The following ZNF787 variants were observed in gnomAD, a reference collection of about 807,000 sequenced individuals.
ZNF787 encodes the protein zinc finger protein 787.
ZNF787 carries 7 observed loss-of-function variants against 16.9 expected under a neutral mutation model. That is an observed-to-expected ratio of 0.42 (90% confidence interval 0.24 to 0.78). The LOEUF is 0.78. ZNF787 is among the 30% of genes least tolerant of loss of function. The pLI is 0.30. For missense variants in ZNF787, 551 were observed against 589.3 expected, an observed-to-expected ratio of 0.94 and a Z score of 0.67; for synonymous variants, 345 against 270.9, an observed-to-expected ratio of 1.27 and a Z score of -2.69.
chr19:56,094,484 TTC>T (rs1555775823), intron 2 of ZNF787, among the ~76,000 whole-genome samples: 41 of 151,978 alleles, frequency 2.7e-4, no homozygotes, highest in Non-Finnish European at 7.4e-5. Flanking sequence ...TTTTTTTTTT[TTC>T]TCATTTTAAA....
chr19:56,105,112 T>G (rs976537369), intron 1 of ZNF787, among the ~76,000 whole-genome samples: 1 of 151,950 alleles, frequency 6.6e-6, no homozygotes, highest in Non-Finnish European at 1.5e-5. Flanking sequence ...AGAGCAAGAC[T>G]CTGTCTCAAA....
intron 1 of ZNF787, among the ~76,000 whole-genome samples, chr19:56,108,141 GGA>G (rs1314462573): frequency 6.6e-6 from 1 of 151,980 alleles, no homozygotes; most frequent in Non-Finnish European, 1.5e-5. Context: ...GAGACTCCCA[GGA>G]GACTCTCTCA....
At chr19:56,120,561 C>A (rs554538017) in intron 1 of ZNF787, among the ~76,000 whole-genome samples, 2 of 152,208 alleles carry the variant, frequency 1.3e-5, no homozygotes, top group African/African-American at 4.8e-5. Flanking sequence ...CCGTAATTAC[C>A]CGCCTGATCA....
chr19:56,095,491 G>A (rs1985836918), intron 2 of ZNF787, among the ~76,000 whole-genome samples: 1 of 152,186 alleles, frequency 6.6e-6, no homozygotes, highest in African/African-American at 2.4e-5. Context: ...GAGGCGGCTT[G>A]GTTCAGGGTA....
chr19:56,111,096 C>T (rs1387732172), intron 1 of ZNF787, among the ~76,000 whole-genome samples: 1 of 152,214 alleles, frequency 6.6e-6, no homozygotes, highest in Non-Finnish European at 1.5e-5. Flanking sequence ...CCCTCTTGTT[C>T]CTAAAGCCTA....
In ZNF787 at chr19:56,088,767, G is replaced by A. The variant is rs1391125145; in HGVS notation, c.405C>T (p.Ser135=). 4 of 1,610,960 alleles carry A rather than the reference G, an allele frequency of 2.5e-6. No individual in the cohort carries two copies. Among genetic ancestry groups the A allele is most frequent in the Non-Finnish European group, 3.4e-6 (4 of 1,179,020 alleles). Residue 135 remains serine, a synonymous_variant, in exon 3 of 3, where the codon TCC becomes TCT. Coordinates refer to ENST00000610935, the MANE Select transcript of ZNF787 (RefSeq NM_001002836.4). The surrounding 1 kb of genome is among the most constrained non-coding windows in gnomAD (Gnocchi z 8.6). ...GGATGCGCTGGTGCTGCATGAGGTT[G>A]GAGCTCCAGCTGAAGCGCTTGCCGC... ...LECGKRFSWS[S]NLMQHQRIHT...
chr19:56,089,049 A>G lies in ZNF787; in HGVS notation c.123T>C (p.Pro41=). 6.8e-7 allele frequency: 1 copy of G among 1,466,586 alleles called. No homozygotes were observed. 90.8% of individuals were successfully genotyped at this position (1,466,586 alleles called of 1,614,324 possible). A position where few individuals can be genotyped will look rare whatever the true frequency, so the allele number is the denominator to read the frequency against. ...ACTGGGGCGGGGACAGCTTGGTGGGAGGCCAGCTGGGGACGTCGTCATCAT... is the reference window on the plus strand; with the variant it reads ...ACTGGGGCGGGGACAGCTTGGTGGGGGGCCAGCTGGGGACGTCGTCATCAT... ...IMDDDDVPSW[P]PTKLSPPQSA... The change falls in exon 3 of 3, where the codon CCT becomes CCC. Residue 41 remains proline, a synonymous_variant. Transcript: ENST00000610935.
chr19:56,101,008 G>A (rs113234468), intron 2 of ZNF787, among the ~76,000 whole-genome samples: 2 of 119,760 alleles, frequency 1.7e-5, no homozygotes, highest in Non-Finnish European at 1.7e-5. Flanking sequence ...GCCAACCCCC[G>A]CCACTCCACC....
At chr19:56,096,430 A>G (rs1985877123) in intron 2 of ZNF787, among the ~76,000 whole-genome samples, 1 of 151,508 alleles carries the variant, frequency 6.6e-6, no homozygotes, top group Non-Finnish European at 1.5e-5. Context: ...AAAAAATAAA[A>G]AGAGATAGGC....
chr19:56,119,021 G>A (rs542345488), intron 1 of ZNF787, among the ~76,000 whole-genome samples: 5 of 152,126 alleles, frequency 3.3e-5, no homozygotes, highest in South Asian at 4.2e-4. Context: ...CAGAGCTCCC[G>A]GGAGCACTCT....
chr19:56,088,248 C>G lies in ZNF787; in HGVS notation c.924G>C (p.Gly308=). The G allele has an allele frequency of 6.8e-7, 1 of 1,469,788 alleles. No homozygotes were observed. The allele number at this position is 1,469,788 out of a possible 1,614,324, so 91.0% of individuals were successfully genotyped here. A position where few individuals can be genotyped will look rare whatever the true frequency, so the allele number is the denominator to read the frequency against. The change falls in exon 3 of 3, where the codon GGG becomes GGC. Residue 308 remains glycine (G), a synonymous_variant. Transcript: ENST00000610935. The surrounding 1 kb of genome is among the most constrained non-coding windows in gnomAD (Gnocchi z 8.6). ...GGGCCGGCTCCTCGCCCCCCGCCGC[C>G]CCGAGCCCGTCCCCGTGCTGGGCCC... is the stretch of plus-strand genomic sequence containing the variant. ...HQRAQHGDGL[G]AAGGEEPAHI...
At chr19:56,112,746 C>G (rs963979757) in intron 1 of ZNF787, among the ~76,000 whole-genome samples, 1 of 152,046 alleles carries the variant, frequency 6.6e-6, no homozygotes, top group African/African-American at 2.4e-5. Flanking sequence ...CTAACACCCT[C>G]TCTGACTTTT....
rs370549854 is a variant in ZNF787, at chr19:56,107,604, G to A, written c.-10-4377C>T. Among the ~76,000 whole-genome samples, 9 of 151,672 alleles carry A rather than the reference G, an allele frequency of 5.9e-5. No individual in the cohort carries two copies. In the South Asian group the frequency reaches 1.9e-3, roughly 32 times the overall value. On this transcript the variant is annotated intron_variant, in intron 1 of 2. Coordinates refer to ENST00000610935, the MANE Select transcript of ZNF787 (RefSeq NM_001002836.4). Reference sequence around the variant, plus strand: ...CAGGAGAAAGAGGGTCACCAGGAGGGCCGAGGTCCTGCCCCCAAGGCTCAC... The same window carrying A: ...CAGGAGAAAGAGGGTCACCAGGAGGACCGAGGTCCTGCCCCCAAGGCTCAC...
intron 1 of ZNF787, among the ~76,000 whole-genome samples, chr19:56,116,302 C>CGGGCTA (rs2030136504): frequency 1.3e-5 from 2 of 151,988 alleles, no homozygotes; most frequent in Non-Finnish European, 2.9e-5. Context: ...ATTAGCCAGG[C>CGGGCTA]ATGGTGGCGG....
chr19:56,110,812 C>A (rs1276307759), intron 1 of ZNF787, among the ~76,000 whole-genome samples: 1 of 152,218 alleles, frequency 6.6e-6, no homozygotes, highest in Non-Finnish European at 1.5e-5. Flanking sequence ...CTCCTCTCCA[C>A]CGCACAGCAG....
intron 2 of ZNF787, among the ~76,000 whole-genome samples, chr19:56,100,349 C>G (rs1986043695): frequency 6.6e-6 from 1 of 152,162 alleles, no homozygotes; most frequent in South Asian, 2.1e-4. Context: ...TCTCTGCCTC[C>G]TTCTCAACCT....
At position 56,120,031 on chromosome 19, in the gene ZNF787, G is replaced by A. The variant is rs189936303; in HGVS notation, c.-11+1141C>T. On this transcript the variant is annotated intron_variant, in intron 1 of 2. Transcript: ENST00000610935. ...AAAGCCCTGACCATCCCCCGGACTG[G>A]GCTGGGTCAAAATGCCTTCCCTGGC... 5.1e-4 allele frequency among the ~76,000 whole-genome samples: 78 copies of A among 152,300 alleles called. No individual in the cohort carries two copies. The East Asian group carries it at 0.013, about 26-fold the overall frequency.
At chr19:56,102,631 C>G (rs1479698686) in intron 2 of ZNF787, 4 of 471,380 alleles carry the variant, frequency 8.5e-6, no homozygotes, top group Non-Finnish European at 3.7e-6. Context: ...TGACAACTTT[C>G]CCTGAAAAGT....
chr19:56,090,581 G>A (rs538376453), intron 2 of ZNF787, among the ~76,000 whole-genome samples: 138 of 152,210 alleles, frequency 9.1e-4, no homozygotes, highest in African/African-American at 3.2e-3. Context: ...CAGCACTTTA[G>A]GAGGCCGAGG....
Sources: allele counts gnomAD v4.1 joint callset (sites outside exome capture counted in the v4.1 genomes callset), GRCh38; gene constraint gnomAD v4.1.1; non-coding constraint Gnocchi (gnomAD v3.1); transcripts MANE v1.5; gene names NCBI Gene and HGNC (gene_info 2026-07-23, HGNC 2026-07-21).